The following CHD5 variants were observed in gnomAD, a reference collection of about 807,000 sequenced individuals.
CHD5 encodes the protein chromodomain helicase DNA binding protein 5.
CHD5 carries 69 observed loss-of-function variants against 230.3 expected under a neutral mutation model. That is an observed-to-expected ratio of 0.30 (90% confidence interval 0.25 to 0.37). The LOEUF (loss-of-function observed/expected upper bound fraction) is 0.37. CHD5 is among the 10% of genes least tolerant of loss of function. The pLI is 1.00. For missense variants in CHD5, 1,827 were observed against 2,622.8 expected (o/e 0.70, Z 6.63); for synonymous variants, 1,064 against 1,065.9 (o/e 1.00, Z 0.03).
intron 11 of CHD5, among the ~76,000 whole-genome samples, chr1:6,145,270 T>C (rs990786421): frequency 3.9e-5 from 6 of 152,186 alleles, no homozygotes; most frequent in Non-Finnish European, 7.3e-5. Flanking sequence ...GGAACCGGGA[T>C]TGAAATCTGA....
chr1:6,107,756 G>A (rs1666215190), intron 38 of CHD5, among the ~76,000 whole-genome samples: 1 of 142,630 alleles, frequency 7.0e-6, no homozygotes, highest in Non-Finnish European at 1.5e-5. Context: ...ATGGAGAGAT[G>A]GAGGGATGAT....
Position 6,131,489 on chromosome 1 carries a change from A to C in CHD5, c.3262+142T>G. Reference sequence around the variant, plus strand: ...ATGGGAGGAATCCTTTTAACATTGGAAACTCGGACTGGCCTGCTGTCTTTA... The same window carrying C: ...ATGGGAGGAATCCTTTTAACATTGGCAACTCGGACTGGCCTGCTGTCTTTA... On this transcript the variant is annotated intron_variant, in intron 21 of 41. Transcript: ENST00000262450. This position sits in a 1 kb window ranked among gnomAD's most constrained non-coding sequence, Gnocchi z 5.0. The C allele has an allele frequency of 1.8e-6, 1 of 558,466 alleles. No individual in the cohort carries two copies. The highest frequency in any genetic ancestry group is 2.7e-5 in the South Asian group (1 of 37,088). 34.6% of individuals were successfully genotyped at this position (558,466 alleles called of 1,614,324 possible).
In CHD5 at chr1:6,125,331, G is replaced by C; in HGVS notation, c.4261-98C>G. On this transcript the variant is annotated intron_variant, in intron 28 of 41. Transcript: ENST00000262450. The surrounding 1 kb of genome is among the most constrained non-coding windows in gnomAD (Gnocchi z 6.7). ...AAGAAAAGCATGGGAGGAGGAGAAG[G>C]TAGGAAGGGGGCACAGAGAAGGCAG... 2 of 1,287,792 alleles carry C rather than the reference G, an allele frequency of 1.6e-6. No homozygotes were observed. Among genetic ancestry groups the C allele is most frequent in the Non-Finnish European group, 2.1e-6 (2 of 938,718 alleles). 79.8% of individuals were successfully genotyped at this position (1,287,792 alleles called of 1,614,324 possible).
rs1666477285 is a variant in CHD5, at chr1:6,121,839, G to A, written c.4700-266C>T. Reference sequence around the variant, plus strand: ...GACGGGGCCGCACACAGCCGTGGCTGCTCATCTGGAGGCAGGGAAGTGAGG... The same window carrying A: ...GACGGGGCCGCACACAGCCGTGGCTACTCATCTGGAGGCAGGGAAGTGAGG... On this transcript the variant is annotated intron_variant, in intron 31 of 41. Coordinates refer to ENST00000262450, the MANE Select transcript of CHD5 (RefSeq NM_015557.3). The surrounding 1 kb of genome is among the most constrained non-coding windows in gnomAD (Gnocchi z 4.5). Among the ~76,000 whole-genome samples the A allele has an allele frequency of 6.6e-6, 1 of 152,204 alleles. No homozygotes were observed. The highest frequency in any genetic ancestry group is 2.4e-5 in the African/African-American group (1 of 41,458).
chr1:6,149,193 T>C, intron 8 of CHD5, 53 bp downstream of exon 8: 1 of 1,506,492 alleles, frequency 6.6e-7, no homozygotes, highest in Admixed American at 2.1e-5. Context: ...GGCACAGGGG[T>C]GGGGGAGCCA....
chr1:6,170,187 G>A (rs1349192350), intron 1 of CHD5, among the ~76,000 whole-genome samples: 4 of 152,212 alleles, frequency 2.6e-5, no homozygotes, highest in Non-Finnish European at 2.9e-5. Flanking sequence ...AAAGGGCTTC[G>A]AGGCGACCCC....
intron 34 of CHD5, among the ~76,000 whole-genome samples, chr1:6,112,619 G>A (rs973096071): frequency 6.6e-6 from 1 of 152,222 alleles, no homozygotes; most frequent in African/African-American, 2.4e-5. Context: ...AGGGCCTAGA[G>A]GTATGCAAAG....
chr1:6,123,447 A>G (rs1666502778), intron 31 of CHD5, among the ~76,000 whole-genome samples: 1 of 150,460 alleles, frequency 6.6e-6, no homozygotes, highest in Non-Finnish European at 1.5e-5. Context: ...TTTTTTTGAG[A>G]TGGAGTCTTG....
chr1:6,122,795 C>T (rs1158318116), intron 31 of CHD5, among the ~76,000 whole-genome samples: 1 of 152,182 alleles, frequency 6.6e-6, no homozygotes, highest in African/African-American at 2.4e-5. Context: ...ATCGGCCAGG[C>T]GCGGTGGCTC....
intron 2 of CHD5, among the ~76,000 whole-genome samples, chr1:6,166,114 C>T (rs544164190): frequency 2.6e-4 from 39 of 151,746 alleles, no homozygotes; most frequent in African/African-American, 8.7e-4. Flanking sequence ...CTGTGTCAGA[C>T]GGGGCACAGA....
chr1:6,112,990 G>A lies in CHD5; in HGVS notation c.4921C>T (p.Leu1641Phe). Residue 1641 changes from leucine (L) to phenylalanine (F), a missense_variant, in exon 34 of 42, where the codon CTT becomes TTT. By Grantham distance (22) the Leu-to-Phe change is conservative. Around this residue, in one of 14 missense-constraint regions of CHD5, gnomAD observed 272 missense variants for 263.2 expected, o/e 1.03. Transcript: ENST00000262450. ...SPEQLPREEV[L>F]PEKEKILDKL... Reference sequence around the variant, plus strand: ...TCCAGGATCTTCTCCTTCTCAGGAAGCACCTCCTCTGCAAGAAAAAGAGGG... The same window carrying A: ...TCCAGGATCTTCTCCTTCTCAGGAAACACCTCCTCTGCAAGAAAAAGAGGG... 1 of 1,612,702 alleles carries A rather than the reference G, an allele frequency of 6.2e-7. No individual in the cohort carries two copies. Among genetic ancestry groups the A allele is most frequent in the Non-Finnish European group, 8.5e-7 (1 of 1,178,822 alleles).
In CHD5 at chr1:6,171,875, A is replaced by C. The variant is rs555107584; in HGVS notation, c.80-3598T>G. On this transcript the variant is annotated intron_variant, in intron 1 of 41. Transcript: ENST00000262450. ...CCTGGCCCCTCGTGGCTGCCCCACC[A>C]CCCTCCTGGCCCACCTGGCAGTGCC... 6.2e-3 allele frequency among the ~76,000 whole-genome samples: 943 copies of C among 152,104 alleles called. 3 individuals carry two copies. The highest frequency in any genetic ancestry group is 0.021 in the African/African-American group (868 of 41,496).
chr1:6,149,505 G>C (rs1666967002), intron 7 of CHD5, 93 bp from the exon 8 acceptor site: 1 of 1,311,584 alleles, frequency 7.6e-7, no homozygotes, highest in South Asian at 1.6e-5. Flanking sequence ...GCACAGAGTA[G>C]ATGTCTAATA....
At position 6,106,264 on chromosome 1, in the gene CHD5, G is replaced by A; in HGVS notation, c.*16C>T. On this transcript the variant is annotated 3_prime_UTR_variant, in exon 41 of 42. Transcript: ENST00000262450. ...CTGGAAATGAGCGCTGCAACACAGG[G>A]AAGTCTCGAGGACGGCTAGATATCT... The A allele has an allele frequency of 6.2e-7, 1 of 1,612,816 alleles. No homozygotes were observed. The highest frequency in any genetic ancestry group is 1.1e-5 in the South Asian group (1 of 91,086).
intron 33 of CHD5, among the ~76,000 whole-genome samples, chr1:6,116,276 T>C (rs1012028864): frequency 2.6e-5 from 4 of 152,218 alleles, no homozygotes; most frequent in South Asian, 4.1e-4. Context: ...TATATATGTT[T>C]GTTGGATGAA....
Position 6,125,340 on chromosome 1 carries a change from G to C in CHD5, c.4261-107C>G. ...ATGGGAGGAGGAGAAGGTAGGAAGG[G>C]GGCACAGAGAAGGCAGGGGCCTCCA... On this transcript the variant is annotated intron_variant, in intron 28 of 41. Coordinates refer to ENST00000262450, the MANE Select transcript of CHD5 (RefSeq NM_015557.3). This position sits in a 1 kb window ranked among gnomAD's most constrained non-coding sequence, Gnocchi z 6.7. 2 of 1,270,188 alleles carry C rather than the reference G, an allele frequency of 1.6e-6. No individual in the cohort carries two copies. The highest frequency in any genetic ancestry group is 1.4e-5 in the South Asian group (1 of 70,048). 78.7% of individuals were successfully genotyped at this position (1,270,188 alleles called of 1,614,324 possible). A position where few individuals can be genotyped will look rare whatever the true frequency, so the allele number is the denominator to read the frequency against.
Position 6,134,384 on chromosome 1 carries a change from C to T in CHD5, c.3013-125G>A. On this transcript the variant is annotated intron_variant, in intron 19 of 41. Coordinates refer to ENST00000262450, the MANE Select transcript of CHD5 (RefSeq NM_015557.3). This position sits in a 1 kb window ranked among gnomAD's most constrained non-coding sequence, Gnocchi z 6.3. ...GGTGATGGCCTGTCTGCCCACTGAA[C>T]ATGAGACCCACACCCGAGCCAGGCC... 8.3e-7 allele frequency: 1 copy of T among 1,211,186 alleles called. No individual in the cohort carries two copies. The highest frequency in any genetic ancestry group is 1.4e-5 in the South Asian group (1 of 72,022). The allele number at this position is 1,211,186 out of a possible 1,614,324, so 75.0% of individuals were successfully genotyped here.
rs115909086 is a variant in CHD5 at position 6,141,472 on chromosome 1, G to A, written c.2436+656C>T. ...TCTACCAAAAAATACAAAATTAGCC[G>A]GCCATGATGGCGCACTCCTGGAGTC... On this transcript the variant is annotated intron_variant, in intron 15 of 41. Transcript: ENST00000262450. Among the ~76,000 whole-genome samples, 998 of 151,622 alleles carry A rather than the reference G, an allele frequency of 6.6e-3. 11 individuals carry two copies. The highest frequency in any genetic ancestry group is 0.023 in the African/African-American group (954 of 41,302).
rs563411638 is a variant in CHD5 at position 6,155,891 on chromosome 1, G to A, written c.388-174C>T. On this transcript the variant is annotated intron_variant, in intron 3 of 41. Transcript: ENST00000262450. This position sits in a 1 kb window ranked among gnomAD's most constrained non-coding sequence, Gnocchi z 4.0. ...GGAAACATTCAAGCCCTGCAGCCCC[G>A]CAGCCCCGCAGCCCCCAATCTGTGC... Among the ~76,000 whole-genome samples, 361 of 152,264 alleles carry A rather than the reference G, an allele frequency of 2.4e-3. No individual in the cohort carries two copies. The highest frequency in any genetic ancestry group is 4.4e-3 in the Non-Finnish European group (298 of 67,990).
Sources: gnomAD v4.1 joint callset for allele counts (sites outside exome capture counted in the v4.1 genomes callset) on GRCh38, gnomAD v4.1.1 for gene constraint, gnomAD v4.1.1 regional missense constraint, Gnocchi (gnomAD v3.1) non-coding constraint, MANE v1.5 for transcripts, NCBI Gene and HGNC (gene_info 2026-07-23, HGNC 2026-07-21) for gene names.